The following ATP10B variants were observed in gnomAD, a reference collection of about 807,000 sequenced individuals.
ATP10B encodes the protein phospholipid-transporting ATPase VB.
A neutral mutation model predicts 141.2 loss-of-function variants in ATP10B; 122 were observed. The ratio of observed to expected loss-of-function variants is 0.86; its 90% CI spans 0.75 to 1.00. The LOEUF (loss-of-function observed/expected upper bound fraction) is 1.00, where lower values mean the gene tolerates loss of function less well. ATP10B is among the 50% of genes least tolerant of loss of function. The pLI is 0.00. For synonymous variants in ATP10B, 685 were observed against 692.0 expected (o/e 0.99, Z 0.16); for missense variants, 1,876 against 1,825.3 (o/e 1.03, Z -0.51).
At chr5:160,649,706 T>G (rs1284984255) in intron 7 of ATP10B, among the ~76,000 whole-genome samples, 1 of 152,204 alleles carries the variant, frequency 6.6e-6, no homozygotes, top group East Asian at 1.9e-4. Context: ...TGGCTAGTGG[T>G]TATCACATTC....
At chr5:160,697,325 A>G (rs1764426604) in intron 3 of ATP10B, among the ~76,000 whole-genome samples, 1 of 152,138 alleles carries the variant, frequency 6.6e-6, no homozygotes, top group African/African-American at 2.4e-5. Context: ...CGGAGACCTT[A>G]TTCTGCAGTG....
At chr5:160,774,148 G>T (rs1332966084) in intron 2 of ATP10B, among the ~76,000 whole-genome samples, 1 of 150,798 alleles carries the variant, frequency 6.6e-6, no homozygotes, top group African/African-American at 2.4e-5. Context: ...CGTTTCCAGT[G>T]TAACCCCAGG....
chr5:160,589,231 C>T (rs918611452), intron 24 of ATP10B, among the ~76,000 whole-genome samples: 12 of 152,102 alleles, frequency 7.9e-5, no homozygotes, highest in African/African-American at 2.2e-4. Flanking sequence ...AGGCTGGTCT[C>T]GAATTCCTGA....
intron 15 of ATP10B, among the ~76,000 whole-genome samples, chr5:160,618,519 G>A (rs1196977214): frequency 6.6e-6 from 1 of 152,166 alleles, no homozygotes. Context: ...CATTTCATTT[G>A]TTTAGCTGAG....
At chr5:160,589,787 G>A (rs944070526) in intron 23 of ATP10B, 91 bp from the exon 24 acceptor site, 1 of 912,062 alleles carries the variant, frequency 1.1e-6, no homozygotes, top group African/African-American at 1.6e-5. Context: ...AATGAAGGCA[G>A]TTGTCAATGG....
At position 160,686,183 on chromosome 5, in the gene ATP10B, C is replaced by T. The variant is rs767100211; in HGVS notation, c.366G>A (p.Leu122=). Residue 122 remains leucine, a synonymous_variant, in exon 6 of 26, where the codon TTG becomes TTA. Transcript: ENST00000327245. ...TCATGATGACGAACAGGACAATGGC[C>T]AATGGTAACATGGTGATTTCTCTGT... is the stretch of plus-strand genomic sequence containing the variant. ...VFHREITMLP[L]AIVLFVIMIK... The T allele has an allele frequency of 6.2e-5, 100 of 1,613,086 alleles. No individual in the cohort carries two copies. Among genetic ancestry groups the T allele is most frequent in the Non-Finnish European group, 8.1e-5 (95 of 1,179,376 alleles).
At position 160,620,634 on chromosome 5, in the gene ATP10B, A is replaced by G. The variant is rs1758275252; in HGVS notation, c.2129T>C (p.Leu710Pro). ...CTCGTAACAGAACTCAGGCCTGGCC[A>G]GGTCTGTGGCTGGGGCCTCCAATGC... ...EEALEAPATD[L>P]ARPEFCYEAE... Residue 710 changes from leucine to proline, a missense_variant, in exon 15 of 26, where the codon CTG (leucine) becomes CCG (proline). Physicochemically the swap from Leu to Pro is moderately conservative, Grantham distance 98. Transcript: ENST00000327245. 3 of 1,613,544 alleles carry G rather than the reference A, an allele frequency of 1.9e-6. No individual in the cohort carries two copies. Among genetic ancestry groups the G allele is most frequent in the African/African-American group, 2.7e-5 (2 of 74,940 alleles).
At chr5:160,811,397 T>C (rs1773142468) in intron 1 of ATP10B, among the ~76,000 whole-genome samples, 1 of 152,016 alleles carries the variant, frequency 6.6e-6, no homozygotes, top group African/African-American at 2.4e-5. Context: ...ATTCCAGGCC[T>C]TGGCTCTTGG....
At chr5:160,709,866 T>A (rs1380237507) in intron 3 of ATP10B, among the ~76,000 whole-genome samples, 2 of 102,884 alleles carry the variant, frequency 1.9e-5, no homozygotes, top group South Asian at 3.8e-4. Flanking sequence ...CGGTGTTTGG[T>A]TTTTTGTTCT....
chr5:160,912,298 C>T, the ATP10B span, among the ~76,000 whole-genome samples: 1 of 151,422 alleles, frequency 6.6e-6, no homozygotes, highest in Non-Finnish European at 1.5e-5. Flanking sequence ...ATAATTCAGC[C>T]TGGTGCAGTG....
intron 1 of ATP10B, among the ~76,000 whole-genome samples, chr5:160,848,924 A>C (rs1753619609): frequency 6.6e-6 from 1 of 152,318 alleles, no homozygotes; most frequent in African/African-American, 2.4e-5. Context: ...ACTGCAGTAC[A>C]TATAGTAACT....
intron 1 of ATP10B, among the ~76,000 whole-genome samples, chr5:160,842,444 A>C (rs1275989193): frequency 6.6e-6 from 1 of 152,124 alleles, no homozygotes; most frequent in Non-Finnish European, 1.5e-5. Flanking sequence ...AGCGAATGGA[A>C]CCCAACAAAT....
At chr5:160,771,922 C>A (rs1769932869) in intron 2 of ATP10B, among the ~76,000 whole-genome samples, 1 of 152,220 alleles carries the variant, frequency 6.6e-6, no homozygotes, top group Non-Finnish European at 1.5e-5. Context: ...TATTTAAGGT[C>A]CCAAAGCAGT....
chr5:160,736,406 C>T (rs1003122973), intron 2 of ATP10B, among the ~76,000 whole-genome samples: 7 of 152,012 alleles, frequency 4.6e-5, no homozygotes, highest in Non-Finnish European at 7.4e-5. Context: ...CAAGACTGAA[C>T]GAGAAAGAAA....
rs1464406372 is a variant in ATP10B at position 160,656,473 on chromosome 5, T to G, written c.676-7217A>C. On this transcript the variant is annotated intron_variant, in intron 7 of 25. Coordinates refer to ENST00000327245, the MANE Select transcript of ATP10B (RefSeq NM_025153.3). ...TGGTAGATTAAGCTACTGCATCTTG[T>G]CTACAAATCCCCTGTATGCTCCCAA... 4.6e-5 allele frequency among the ~76,000 whole-genome samples: 7 copies of G among 152,200 alleles called. No homozygotes were observed. In the East Asian group the frequency reaches 1.3e-3, roughly 29 times the overall value.
intron 6 of ATP10B, among the ~76,000 whole-genome samples, chr5:160,676,088 G>A (rs2127732817): frequency 6.6e-6 from 1 of 152,122 alleles, no homozygotes; most frequent in East Asian, 1.9e-4. Context: ...AGCTAGTGAG[G>A]GCTGGAACAT....
intron 3 of ATP10B, 63 bp from the exon 4 acceptor site, chr5:160,689,006 A>G: frequency 1.1e-6 from 1 of 911,492 alleles, no homozygotes; most frequent in East Asian, 1.2e-4. Flanking sequence ...GCTGCTTTAC[A>G]GCACATCAAA....
intron 20 of ATP10B, 37 bp from the exon 21 acceptor site, chr5:160,602,739 T>G (rs10475685): frequency 6.2e-7 from 1 of 1,611,924 alleles, no homozygotes; most frequent in Non-Finnish European, 8.5e-7. Context: ...CTTCCATCCA[T>G]GGCTGCCAGT....
intron 2 of ATP10B, among the ~76,000 whole-genome samples, chr5:160,751,495 TTC>T (rs1768146622): frequency 6.6e-6 from 1 of 152,112 alleles, no homozygotes; most frequent in African/African-American, 2.4e-5. Context: ...TCCTTTCACT[TTC>T]TCTGTTGGGG....
Sources: gnomAD v4.1 joint callset for allele counts (sites outside exome capture counted in the v4.1 genomes callset) on GRCh38, gnomAD v4.1.1 for gene constraint, MANE v1.5 for transcripts, NCBI Gene and HGNC (gene_info 2026-07-23, HGNC 2026-07-21) for gene names.